PCDHA8: variants seen among roughly 807,000 people sequenced by gnomAD.
The protein encoded by PCDHA8 is protocadherin alpha-8.
PCDHA8 carries 53 observed loss-of-function variants against 61.8 expected under a neutral mutation model. The observed-to-expected ratio is 0.86, with a 90% CI of 0.69 to 1.08. The LOEUF (loss-of-function observed/expected upper bound fraction) is 1.08. Among genes scored for constraint, PCDHA8 ranks in the 50% least tolerant of loss-of-function variants. The pLI is 0.00. For missense variants in PCDHA8, 1,293 were observed against 1,245.0 expected, an observed-to-expected ratio of 1.04 and a Z score of -0.58; for synonymous variants, 618 against 556.6, an observed-to-expected ratio of 1.11 and a Z score of -1.55.
At chr5:140,967,107 G>C (rs782199698) in intron 1 of PCDHA8, 1 of 1,612,994 alleles carries the variant, frequency 6.2e-7, no homozygotes. Flanking sequence ...TGTGAGCAGC[G>C]GCCTCGCTGC....
At chr5:140,868,767 C>A in intron 1 of PCDHA8, 1 of 249,464 alleles carries the variant, frequency 4.0e-6, no homozygotes, top group East Asian at 8.4e-5. Context: ...TATTTAGTTT[C>A]AATATGACTT....
At position 140,843,586 on chromosome 5, in the gene PCDHA8, G is replaced by A. The variant is rs2150363126; in HGVS notation, c.2265G>A (p.Pro755=). 23 of 1,596,010 alleles carry A rather than the reference G, an allele frequency of 1.4e-5. 4 individuals carry two copies. The highest frequency in any genetic ancestry group is 5.4e-5 in the African/African-American group (4 of 74,542). ...VGSWSYSQQQ[P]QRVCSGEGPP... ...GCTGGTCATACTCGCAACAACAGCC[G>A]CAGAGGGTGTGCTCTGGTGAGGGGC... Residue 755 remains proline, a synonymous_variant, in exon 1 of 4, where the codon CCG becomes CCA. Coordinates refer to ENST00000531613, the MANE Select transcript of PCDHA8 (RefSeq NM_018911.3).
intron 1 of PCDHA8, chr5:140,856,675 G>T (rs782417357): frequency 6.3e-7 from 1 of 1,597,790 alleles, no homozygotes; most frequent in South Asian, 1.1e-5. Context: ...AGCTAAAGTT[G>T]TTGTTGACAG....
intron 1 of PCDHA8, among the ~76,000 whole-genome samples, chr5:140,974,689 T>A (rs2153804618): frequency 1.3e-5 from 2 of 152,208 alleles, no homozygotes; most frequent in South Asian, 4.1e-4. Flanking sequence ...TTTTGTATTT[T>A]TGGGTTTCAC....
At chr5:140,943,063 C>T (rs1461337774) in intron 1 of PCDHA8, among the ~76,000 whole-genome samples, 1 of 151,748 alleles carries the variant, frequency 6.6e-6, no homozygotes, top group Admixed American at 6.6e-5. Context: ...TCAAGAACAG[C>T]CTGACCAACA....
Position 140,842,644 on chromosome 5 carries a change from G to C in PCDHA8, c.1323G>C (p.Leu441Phe). 6.3e-7 allele frequency: 1 copy of C among 1,595,462 alleles called. No homozygotes were observed. Among genetic ancestry groups the C allele is most frequent in the African/African-American group, 1.3e-5 (1 of 74,328 alleles). The change falls in exon 1 of 4, where the codon TTG becomes TTC. Residue 441 changes from leucine to phenylalanine, a missense_variant. By Grantham distance (22) the Leu-to-Phe change is conservative (BLOSUM62 0). Coordinates refer to ENST00000531613, the MANE Select transcript of PCDHA8 (RefSeq NM_018911.3). The stretch of plus-strand genomic sequence containing the variant: ...CTTCGCTGTGGGCCACCGCCAGCTT[G>C]TCTGTGGAGGTGGCCGACGTGAACG... ...GSPSLWATAS[L>F]SVEVADVNDN... is the part of the protein sequence containing the mutation.
intron 1 of PCDHA8, among the ~76,000 whole-genome samples, chr5:140,890,087 A>G (rs1284769572): frequency 6.6e-6 from 1 of 152,170 alleles, no homozygotes; most frequent in African/African-American, 2.4e-5. Context: ...TGATAATGCA[A>G]ATTTATTCCC....
At chr5:140,926,296 G>A in intron 1 of PCDHA8, 1 of 152,316 alleles carries the variant, frequency 6.6e-6, no homozygotes, top group Non-Finnish European at 1.5e-5. Context: ...GCTGAGTCCC[G>A]CCCTCTCCGC....
At chr5:140,926,961 G>A in intron 1 of PCDHA8, 1 of 1,604,688 alleles carries the variant, frequency 6.2e-7, no homozygotes, top group Non-Finnish European at 8.5e-7. Context: ...GACAGCTCGA[G>A]TACTCAGTGC....
intron 1 of PCDHA8, chr5:140,870,813 C>T (rs568167153): frequency 1.2e-6 from 2 of 1,613,702 alleles, no homozygotes; most frequent in South Asian, 1.1e-5. Flanking sequence ...CTCAGGCTGG[C>T]AGCGCGGGAG....
chr5:140,873,131 T>C (rs895883185), intron 1 of PCDHA8, among the ~76,000 whole-genome samples: 7 of 152,334 alleles, frequency 4.6e-5, no homozygotes, highest in Admixed American at 3.9e-4. Context: ...TCAAAGAGTC[T>C]ATGCTGAAGC....
At chr5:140,873,448 T>C (rs917341990) in intron 1 of PCDHA8, among the ~76,000 whole-genome samples, 1 of 152,206 alleles carries the variant, frequency 6.6e-6, no homozygotes, top group East Asian at 1.9e-4. Flanking sequence ...AAATAACAAA[T>C]TTGCATTTTA....
intron 1 of PCDHA8, chr5:140,857,404 T>C: frequency 1.3e-6 from 2 of 1,597,962 alleles, no homozygotes; most frequent in Non-Finnish European, 1.7e-6. Flanking sequence ...ACAACGCGCC[T>C]GCGTTCGCGC....
At chr5:140,964,227 G>A (rs1245581815) in intron 1 of PCDHA8, among the ~76,000 whole-genome samples, 1 of 152,222 alleles carries the variant, frequency 6.6e-6, no homozygotes, top group African/African-American at 2.4e-5. Context: ...CTTTCAAAAT[G>A]AGGCTGATTG....
chr5:141,010,158 G>A lies in PCDHA8; in HGVS notation c.*221G>A. 6.4e-7 allele frequency: 1 copy of A among 1,570,690 alleles called. No homozygotes were observed. Among genetic ancestry groups the A allele is most frequent in the Non-Finnish European group, 8.6e-7 (1 of 1,156,884 alleles). On this transcript the variant is annotated 3_prime_UTR_variant, in exon 4 of 4. Coordinates refer to ENST00000531613, the MANE Select transcript of PCDHA8 (RefSeq NM_018911.3). Reference sequence around the variant, plus strand: ...TAACTCTTTCTCTCCACTCTGGCTTGTTTTCAGAACCTAAAAAGCAGACCC... The same window carrying A: ...TAACTCTTTCTCTCCACTCTGGCTTATTTTCAGAACCTAAAAAGCAGACCC...
At chr5:140,845,629 A>G (rs1437329229) in intron 1 of PCDHA8, among the ~76,000 whole-genome samples, 1 of 149,600 alleles carries the variant, frequency 6.7e-6, no homozygotes, top group East Asian at 1.9e-4. Flanking sequence ...GAAGCTCTCT[A>G]AATCAAGTCC....
intron 1 of PCDHA8, among the ~76,000 whole-genome samples, chr5:140,974,406 T>C (rs903349256): frequency 3.9e-5 from 6 of 152,226 alleles, no homozygotes; most frequent in Non-Finnish European, 8.8e-5. Flanking sequence ...GTTCTAAAGT[T>C]ATGTTTATTT....
chr5:141,006,368 C>T (rs1395158727), intron 3 of PCDHA8, among the ~76,000 whole-genome samples: 2 of 152,072 alleles, frequency 1.3e-5, no homozygotes, highest in Non-Finnish European at 2.9e-5. Context: ...CCCACCACCA[C>T]GCCCGGCTAA....
At chr5:140,915,650 C>G (rs1554197017) in intron 1 of PCDHA8, among the ~76,000 whole-genome samples, 1 of 151,636 alleles carries the variant, frequency 6.6e-6, no homozygotes, top group Non-Finnish European at 1.5e-5. Flanking sequence ...CTCTCTCTCT[C>G]TCTCTCAAGG....
Sources: gnomAD v4.1 joint callset for allele counts (sites outside exome capture counted in the v4.1 genomes callset) on GRCh38, gnomAD v4.1.1 for gene constraint, MANE v1.5 for transcripts, NCBI Gene and HGNC (gene_info 2026-07-23, HGNC 2026-07-21) for gene names.